ZCWPW2: variants seen among roughly 807,000 people sequenced by gnomAD.
The protein encoded by ZCWPW2 is zinc finger CW-type and PWWP domain containing 2.
Under a neutral mutation model 46.6 loss-of-function variants are expected in ZCWPW2, and 45 were observed. The observed-to-expected ratio is 0.96, with a 90% confidence interval of 0.76 to 1.24. ZCWPW2 has a LOEUF of 1.24. ZCWPW2 is among the 50% of genes most tolerant of loss of function. The probability of loss-of-function intolerance (pLI) is 0.00; values close to 1 mark genes in which losing one functional copy is unlikely to be tolerated. For synonymous variants in ZCWPW2, 152 were observed against 137.1 expected (o/e 1.11, Z -0.76); for missense variants, 429 against 403.9 (o/e 1.06, Z -0.53).
rs933191137 is a variant in ZCWPW2, at chr3:28,520,979, C to T, written c.785-13C>T. On this transcript the variant is annotated splice_polypyrimidine_tract_variant and intron_variant, in intron 8 of 9. Transcript: ENST00000383768. Reference sequence around the variant, plus strand: ...GATGTAGCATTTTTACTGTATTAATCCTGTTTTTTTAGTTGTCTGTGAGAC... The same window carrying T: ...GATGTAGCATTTTTACTGTATTAATTCTGTTTTTTTAGTTGTCTGTGAGAC... The T allele has an allele frequency of 2.3e-5, 37 of 1,612,778 alleles. No homozygotes were observed. Among genetic ancestry groups the T allele is most frequent in the Non-Finnish European group, 3.1e-5 (36 of 1,179,450 alleles).
At chr3:28,473,840 G>C (rs1014721413) in intron 4 of ZCWPW2, among the ~76,000 whole-genome samples, 1 of 152,184 alleles carries the variant, frequency 6.6e-6, no homozygotes, top group East Asian at 1.9e-4. Flanking sequence ...TGAACTCATG[G>C]ATATCAAGAG....
chr3:28,367,947 A>G (rs1450852632), intron 1 of ZCWPW2, among the ~76,000 whole-genome samples: 2 of 152,078 alleles, frequency 1.3e-5, no homozygotes, highest in Admixed American at 1.3e-4. Flanking sequence ...AGTCTGTTTT[A>G]TCAGAGACTA....
At chr3:28,517,339 T>C (rs960186813) in intron 8 of ZCWPW2, among the ~76,000 whole-genome samples, 5 of 152,206 alleles carry the variant, frequency 3.3e-5, no homozygotes, top group Non-Finnish European at 5.9e-5. Context: ...GCTCACAGTT[T>C]TGCAAGCTTT....
At chr3:28,495,670 G>A (rs763360150) in intron 6 of ZCWPW2, among the ~76,000 whole-genome samples, 4 of 151,766 alleles carry the variant, frequency 2.6e-5, no homozygotes, top group Non-Finnish European at 5.9e-5. Context: ...TTTTTAATAT[G>A]TCTTTGTTTT....
At chr3:28,517,404 G>A (rs896621862) in intron 8 of ZCWPW2, among the ~76,000 whole-genome samples, 7 of 152,166 alleles carry the variant, frequency 4.6e-5, no homozygotes, top group African/African-American at 1.7e-4. Flanking sequence ...TTATAATCAT[G>A]GCAGAAGGTA....
chr3:28,479,495 G>GA (rs1699353511), intron 5 of ZCWPW2, among the ~76,000 whole-genome samples: 1 of 152,102 alleles, frequency 6.6e-6, no homozygotes, highest in South Asian at 2.1e-4. Context: ...GAAACCATTT[G>GA]AAAGATTATA....
intron 1 of ZCWPW2, among the ~76,000 whole-genome samples, chr3:28,387,941 A>C (rs1360505164): frequency 1.3e-5 from 2 of 152,166 alleles, no homozygotes; most frequent in Admixed American, 6.6e-5. Context: ...AAACAGAATC[A>C]AGAAAATGTG....
chr3:28,417,059 T>C (rs946773543), intron 3 of ZCWPW2, among the ~76,000 whole-genome samples: 25 of 136,394 alleles, frequency 1.8e-4, no homozygotes, highest in South Asian at 6.6e-4. Context: ...TTCCCTCTCT[T>C]TTTTTTTTTT....
At chr3:28,395,999 T>C (rs1457459846) in intron 2 of ZCWPW2, among the ~76,000 whole-genome samples, 1 of 152,182 alleles carries the variant, frequency 6.6e-6, no homozygotes. Flanking sequence ...GTTATATACC[T>C]TGGTATATAC....
chr3:28,486,056 T>A (rs940765503), intron 5 of ZCWPW2, among the ~76,000 whole-genome samples: 2 of 152,196 alleles, frequency 1.3e-5, no homozygotes, highest in Admixed American at 6.5e-5. Flanking sequence ...AATAATTCCA[T>A]TTTCTTCCCT....
chr3:28,469,724 GATATAT>G (rs144992497), intron 4 of ZCWPW2, among the ~76,000 whole-genome samples: 3 of 150,872 alleles, frequency 2.0e-5, no homozygotes, highest in Non-Finnish European at 4.4e-5. Flanking sequence ...ATATATATAT[GATATAT>G]ATATGTATAT....
chr3:28,430,747 G>A (rs1186556967), intron 3 of ZCWPW2, among the ~76,000 whole-genome samples: 1 of 152,128 alleles, frequency 6.6e-6, no homozygotes, highest in East Asian at 1.9e-4. Context: ...TCTCATAATA[G>A]TGAGTTCTCA....
intron 4 of ZCWPW2, 84 bp downstream of exon 4, chr3:28,435,353 A>G (rs1342889590): frequency 7.2e-6 from 10 of 1,379,652 alleles, no homozygotes; most frequent in African/African-American, 2.9e-5. Context: ...TAAAATATGT[A>G]TAAGTTGCTT....
intron 5 of ZCWPW2, among the ~76,000 whole-genome samples, chr3:28,488,447 C>T (rs1390769297): frequency 6.6e-6 from 1 of 152,096 alleles, no homozygotes; most frequent in African/African-American, 2.4e-5. Context: ...CTGGACTGTC[C>T]TCTATGTTTT....
chr3:28,463,967 A>G (rs1325859252), intron 4 of ZCWPW2, among the ~76,000 whole-genome samples: 4 of 151,802 alleles, frequency 2.6e-5, no homozygotes, highest in Non-Finnish European at 4.4e-5. Context: ...GAAGGAAAAG[A>G]GAAGGAAAGG....
chr3:28,519,412 A>G (rs1409614840), intron 8 of ZCWPW2, among the ~76,000 whole-genome samples: 1 of 152,226 alleles, frequency 6.6e-6, no homozygotes, highest in African/African-American at 2.4e-5. Flanking sequence ...ATATTGACAG[A>G]AAAATTATTT....
rs1222240139 is a variant in ZCWPW2 at position 28,525,082 on chromosome 3, G to T, written c.*394G>T. ...AGGTAATTCAAATCTAATAAACTTA[G>T]AGAATGTATATTTGCAGTGGAATCA... On this transcript the variant is annotated 3_prime_UTR_variant, in exon 10 of 10. Transcript: ENST00000383768. The T allele has an allele frequency of 6.6e-6, 1 of 152,482 alleles. No homozygotes were observed. The highest frequency in any genetic ancestry group is 6.6e-5 in the Admixed American group (1 of 15,258). 9.4% of individuals were successfully genotyped at this position (152,482 alleles called of 1,614,324 possible).
rs1016273534 is a variant in ZCWPW2 at position 28,492,229 on chromosome 3, A to G, written c.657+56A>G. 1.6e-5 allele frequency: 23 copies of G among 1,413,212 alleles called. No homozygotes were observed. The East Asian group carries it at 5.0e-4, about 31-fold the overall frequency. The allele number at this position is 1,413,212 out of a possible 1,614,324, so 87.5% of individuals were successfully genotyped here. On this transcript the variant is annotated intron_variant, in intron 6 of 9. Transcript: ENST00000383768. The stretch of plus-strand genomic sequence containing the variant: ...CAAACTTCAAATTTCATTTAACACT[A>G]TTCTTTAAAGAAAATTATATTATTT...
chr3:28,364,673 T>C (rs1705062698), intron 1 of ZCWPW2, among the ~76,000 whole-genome samples: 1 of 152,160 alleles, frequency 6.6e-6, no homozygotes, highest in Non-Finnish European at 1.5e-5. Flanking sequence ...CTTTAAGTTT[T>C]AGGGTACATG....
Sources: allele counts gnomAD v4.1 joint callset (sites outside exome capture counted in the v4.1 genomes callset), GRCh38; gene constraint gnomAD v4.1.1; transcripts MANE v1.5; gene names NCBI Gene and HGNC (gene_info 2026-07-23, HGNC 2026-07-21).